GPC5: variants seen among roughly 807,000 people sequenced by gnomAD.
GPC5 encodes the protein glypican 5, also known as glypican-5.
In GPC5, 47 loss-of-function variants were observed where a neutral mutation model predicts 53.9. That is an observed-to-expected ratio of 0.87 (90% CI 0.69 to 1.11). The LOEUF is 1.11. GPC5 is among the 50% of genes most tolerant of loss of function. The pLI is 0.00. For missense variants in GPC5, 748 were observed against 713.1 expected, an observed-to-expected ratio of 1.05 and a Z score of -0.56; for synonymous variants, 286 against 263.3, an observed-to-expected ratio of 1.09 and a Z score of -0.84.
chr13:92,399,949 G>A (rs868816369), intron 7 of GPC5, among the ~76,000 whole-genome samples: 2 of 152,152 alleles, frequency 1.3e-5, no homozygotes, highest in South Asian at 4.1e-4. Context: ...ATTTGTGGTT[G>A]ACTGACTGTA....
chr13:92,457,586 G>A (rs560663011), intron 7 of GPC5, among the ~76,000 whole-genome samples: 5 of 152,192 alleles, frequency 3.3e-5, no homozygotes, highest in East Asian at 1.9e-4. Context: ...GAACTCTATC[G>A]AGGATAATTA....
intron 7 of GPC5, among the ~76,000 whole-genome samples, chr13:92,529,208 C>A (rs1036509842): frequency 4.6e-5 from 7 of 151,918 alleles, no homozygotes; most frequent in African/African-American, 1.7e-4. Flanking sequence ...TGCCTTCCTG[C>A]CCAATATTTT....
Position 92,540,477 on chromosome 13 carries a change from G to A in GPC5, c.1562-325805G>A, listed in dbSNP as rs75793174. On this transcript the variant is annotated intron_variant, in intron 7 of 7. Coordinates refer to ENST00000377067, the MANE Select transcript of GPC5 (RefSeq NM_004466.6). ...AGGGGATACAAGTTATTTTCTTACC[G>A]TTGATATTTAATAATGTTATTTAAA... is the stretch of plus-strand genomic sequence containing the variant. Among the ~76,000 whole-genome samples, 924 of 151,928 alleles carry A rather than the reference G, an allele frequency of 6.1e-3. 6 individuals are homozygous for A. The highest frequency in any genetic ancestry group is 0.02 in the African/African-American group (843 of 41,494).
chr13:91,842,313 CCTT>C (rs1291927896), intron 5 of GPC5, among the ~76,000 whole-genome samples: 2 of 150,854 alleles, frequency 1.3e-5, no homozygotes, highest in African/African-American at 4.9e-5. Context: ...TATATGTTGT[CCTT>C]AAATGCTTAA....
chr13:92,291,650 G>A (rs563251419), intron 7 of GPC5, among the ~76,000 whole-genome samples: 7 of 152,254 alleles, frequency 4.6e-5, no homozygotes, highest in Non-Finnish European at 7.4e-5. Flanking sequence ...ACCCGCTAGG[G>A]TCCCCTTCCA....
At chr13:92,004,458 T>TA (rs1555303834) in intron 6 of GPC5, among the ~76,000 whole-genome samples, 2 of 82,526 alleles carry the variant, frequency 2.4e-5, no homozygotes, top group Admixed American at 1.5e-4. Flanking sequence ...AAAAAAAAAA[T>TA]TATATATATA....
chr13:91,926,974 A>C (rs1452988428), intron 6 of GPC5, among the ~76,000 whole-genome samples: 1 of 152,220 alleles, frequency 6.6e-6, no homozygotes, highest in African/African-American at 2.4e-5. Context: ...GTTAGAATTT[A>C]TTAGATGAGG....
At chr13:92,391,275 A>C (rs1874990052) in intron 7 of GPC5, among the ~76,000 whole-genome samples, 1 of 152,164 alleles carries the variant, frequency 6.6e-6, no homozygotes, top group Admixed American at 6.5e-5. Context: ...TCTCAGGTAC[A>C]AAGGATATGT....
At chr13:92,556,537 A>G (rs1248835481) in intron 7 of GPC5, among the ~76,000 whole-genome samples, 1 of 151,820 alleles carries the variant, frequency 6.6e-6, no homozygotes, top group Non-Finnish European at 1.5e-5. Flanking sequence ...CGCAGTTGCA[A>G]TCTTCAGTGA....
At chr13:91,423,677 A>G (rs115851494) in intron 1 of GPC5, among the ~76,000 whole-genome samples, 421 of 152,290 alleles carry the variant, frequency 2.8e-3, no homozygotes, top group African/African-American at 9.9e-3. Flanking sequence ...CAGCATGGGG[A>G]CTATAATGTA....
intron 6 of GPC5, among the ~76,000 whole-genome samples, chr13:91,966,670 A>C (rs2139084302): frequency 6.6e-6 from 1 of 152,326 alleles, no homozygotes; most frequent in South Asian, 2.1e-4. Context: ...TCTAGTCAAA[A>C]GTTTAGTTAC....
intron 7 of GPC5, among the ~76,000 whole-genome samples, chr13:92,296,365 C>T (rs1002696574): frequency 3.9e-5 from 6 of 151,938 alleles, no homozygotes; most frequent in Non-Finnish European, 5.9e-5. Context: ...AGGGAAGGGC[C>T]ACTGGGTGGG....
At chr13:92,617,619 T>C (rs758688248) in intron 7 of GPC5, among the ~76,000 whole-genome samples, 1 of 152,328 alleles carries the variant, frequency 6.6e-6, no homozygotes, top group East Asian at 1.9e-4. Context: ...TATGTATTTA[T>C]GATTTTTTTC....
intron 1 of GPC5, among the ~76,000 whole-genome samples, chr13:91,410,512 A>AT (rs34699716): frequency 1.3e-5 from 2 of 151,000 alleles, no homozygotes; most frequent in African/African-American, 4.9e-5. Flanking sequence ...CACCTGGCTA[A>AT]TTTTTTTGTA....
At chr13:91,633,854 T>C (rs1018814187) in intron 2 of GPC5, among the ~76,000 whole-genome samples, 1 of 152,120 alleles carries the variant, frequency 6.6e-6, no homozygotes, top group African/African-American at 2.4e-5. Context: ...ATGAGGATAA[T>C]GACTTCCCTG....
intron 2 of GPC5, among the ~76,000 whole-genome samples, chr13:91,575,904 A>G (rs1043297984): frequency 6.6e-6 from 1 of 152,218 alleles, no homozygotes; most frequent in African/African-American, 2.4e-5. Context: ...AGTGTCAAAG[A>G]ATTCTAAAAA....
At chr13:92,809,310 A>G (rs1013784623) in intron 7 of GPC5, among the ~76,000 whole-genome samples, 27 of 152,198 alleles carry the variant, frequency 1.8e-4, no homozygotes, top group African/African-American at 6.3e-4. Context: ...AAAGGCAATG[A>G]GCCCCATCAT....
intron 6 of GPC5, among the ~76,000 whole-genome samples, chr13:91,959,660 C>T (rs1278744614): frequency 6.6e-6 from 1 of 152,004 alleles, no homozygotes; most frequent in Admixed American, 6.6e-5. Flanking sequence ...TACTAGCAAA[C>T]TAAATTCCAT....
chr13:91,863,584 CT>C (rs1230561242), intron 5 of GPC5, among the ~76,000 whole-genome samples: 2 of 151,966 alleles, frequency 1.3e-5, no homozygotes, highest in Non-Finnish European at 2.9e-5. Flanking sequence ...ATATTTTTTC[CT>C]ATAGGGATAC....
Sources: gnomAD v4.1 joint callset for allele counts (sites outside exome capture counted in the v4.1 genomes callset) on GRCh38, gnomAD v4.1.1 for gene constraint, MANE v1.5 for transcripts, NCBI Gene and HGNC (gene_info 2026-07-23, HGNC 2026-07-21) for gene names.